Variants in STXBP5L observed in about 807,000 individuals in gnomAD.
STXBP5L encodes syntaxin binding protein 5L, also known as syntaxin-binding protein 5-like.
STXBP5L carries 65 observed loss-of-function variants against 144.5 expected under a neutral mutation model. The ratio of observed to expected loss-of-function variants is 0.45; its 90% CI spans 0.37 to 0.55. STXBP5L has a LOEUF of 0.55. Among genes scored for constraint, STXBP5L ranks in the 20% least tolerant of loss-of-function variants. The probability of loss-of-function intolerance (pLI) is 0.00; values close to 1 mark genes in which losing one functional copy is unlikely to be tolerated. For missense variants in STXBP5L, 1,298 were observed against 1,405.5 expected (o/e 0.92, Z 1.22); for synonymous variants, 505 against 469.6 (o/e 1.08, Z -0.97).
chr3:121,101,660 T>C (rs2043433503), intron 5 of STXBP5L, among the ~76,000 whole-genome samples: 1 of 152,084 alleles, frequency 6.6e-6, no homozygotes, highest in African/African-American at 2.4e-5. Context: ...GCATTCCCCT[T>C]GAGAACTGGA....
chr3:121,350,461 A>C (rs1273361394), intron 20 of STXBP5L, among the ~76,000 whole-genome samples: 2 of 152,082 alleles, frequency 1.3e-5, no homozygotes, highest in Non-Finnish European at 2.9e-5. Context: ...CTCGAGGAGT[A>C]TCTTTGTGGT....
chr3:121,210,255 C>T (rs912760286), intron 10 of STXBP5L, among the ~76,000 whole-genome samples: 9 of 152,026 alleles, frequency 5.9e-5, no homozygotes, highest in African/African-American at 1.7e-4. Context: ...TCTGTTCATA[C>T]CCTTTGCCCA....
chr3:121,211,603 A>T (rs1164119585), intron 10 of STXBP5L, among the ~76,000 whole-genome samples: 1 of 119,746 alleles, frequency 8.4e-6, no homozygotes, highest in Non-Finnish European at 1.6e-5. Context: ...TTTTTGAGAC[A>T]GAGTCTCGCT....
At chr3:121,091,429 C>T (rs939016908) in intron 5 of STXBP5L, among the ~76,000 whole-genome samples, 1 of 151,872 alleles carries the variant, frequency 6.6e-6, no homozygotes, top group Non-Finnish European at 1.5e-5. Context: ...TCCACATCCT[C>T]TCCAGCACCT....
chr3:120,955,419 C>G (rs1423849332), intron 3 of STXBP5L, among the ~76,000 whole-genome samples: 1 of 151,880 alleles, frequency 6.6e-6, no homozygotes, highest in Non-Finnish European at 1.5e-5. Flanking sequence ...AATTTCTTTG[C>G]TTTTGCTTAC....
chr3:121,046,550 C>A (rs1346007066), intron 5 of STXBP5L, among the ~76,000 whole-genome samples: 1 of 152,036 alleles, frequency 6.6e-6, no homozygotes, highest in Non-Finnish European at 1.5e-5. Flanking sequence ...CTTTATTGGT[C>A]TGTCCAGGGA....
At chr3:121,336,556 A>G (rs2044513794) in intron 20 of STXBP5L, among the ~76,000 whole-genome samples, 1 of 152,152 alleles carries the variant, frequency 6.6e-6, no homozygotes, top group Non-Finnish European at 1.5e-5. Context: ...ACAAGGAGAT[A>G]TTATCTCATA....
chr3:121,388,445 G>A (rs935804313), intron 22 of STXBP5L, among the ~76,000 whole-genome samples: 3 of 152,202 alleles, frequency 2.0e-5, no homozygotes, highest in Non-Finnish European at 2.9e-5. Flanking sequence ...TTGAATAGGA[G>A]TGGTGAGAGA....
chr3:121,066,362 GTATATATATATA>G (rs35546907), intron 5 of STXBP5L, among the ~76,000 whole-genome samples: 1 of 146,136 alleles, frequency 6.8e-6, no homozygotes, highest in African/African-American at 2.5e-5. Flanking sequence ...TCCTATAAGC[GTATATATATATA>G]TATATACGCT....
intron 9 of STXBP5L, among the ~76,000 whole-genome samples, chr3:121,187,677 A>T (rs2047453723): frequency 6.6e-6 from 1 of 152,170 alleles, no homozygotes; most frequent in African/African-American, 2.4e-5. Flanking sequence ...ACATGATCAA[A>T]TTCACACATA....
chr3:120,949,774 C>T (rs1186871713), intron 2 of STXBP5L, among the ~76,000 whole-genome samples: 3 of 152,048 alleles, frequency 2.0e-5, no homozygotes, highest in Non-Finnish European at 4.4e-5. Context: ...TTCCATTTGT[C>T]TACATGCCTA....
rs1221988907 is a variant in STXBP5L at position 120,909,827 on chromosome 3, AG to A, written c.189+66del. ...TTTATTATACTGTTGTAAGGAAACA[AG>A]GGGGGAAAAACATACCAGGAACAGG... On this transcript the variant is annotated intron_variant, in intron 2 of 26. Transcript: ENST00000471454. The A allele has an allele frequency of 1.3e-5, 19 of 1,492,756 alleles. 1 individual carries two copies. The South Asian group carries it at 1.9e-4, about 15-fold the overall frequency. 92.5% of individuals were successfully genotyped at this position (1,492,756 alleles called of 1,614,324 possible).
chr3:121,311,880 A>C (rs904170974), intron 19 of STXBP5L, among the ~76,000 whole-genome samples: 1 of 152,172 alleles, frequency 6.6e-6, no homozygotes. Context: ...AGCCCGCATC[A>C]CCAAGTCAAT....
At chr3:121,311,543 C>G (rs540534693) in intron 19 of STXBP5L, among the ~76,000 whole-genome samples, 2 of 152,030 alleles carry the variant, frequency 1.3e-5, no homozygotes, top group Non-Finnish European at 2.9e-5. Flanking sequence ...TCTTATACAA[C>G]AATAACAGAC....
chr3:121,064,293 G>T (rs1380395059), intron 5 of STXBP5L, among the ~76,000 whole-genome samples: 2 of 152,126 alleles, frequency 1.3e-5, no homozygotes, highest in East Asian at 3.9e-4. Flanking sequence ...CCTCCTCGAT[G>T]GTCTGCACCA....
intron 20 of STXBP5L, among the ~76,000 whole-genome samples, chr3:121,352,099 GT>G (rs1356523515): frequency 1.3e-5 from 2 of 152,090 alleles, no homozygotes; most frequent in Non-Finnish European, 2.9e-5. Flanking sequence ...TTGTAGTATA[GT>G]TTGAAGTCAG....
chr3:120,993,903 A>C (rs1378432284), intron 3 of STXBP5L, among the ~76,000 whole-genome samples: 1 of 151,998 alleles, frequency 6.6e-6, no homozygotes, highest in African/African-American at 2.4e-5. Context: ...GGTCATTTAG[A>C]TAATAATAAT....
chr3:121,063,243 G>A (rs2041371552), intron 5 of STXBP5L, among the ~76,000 whole-genome samples: 1 of 152,318 alleles, frequency 6.6e-6, no homozygotes, highest in East Asian at 1.9e-4. Context: ...CTGTTGGTTA[G>A]TTTTCTTTCT....
chr3:121,176,699 A>G (rs890577372), intron 9 of STXBP5L, among the ~76,000 whole-genome samples: 2 of 151,914 alleles, frequency 1.3e-5, no homozygotes, highest in South Asian at 2.1e-4. Context: ...TCTCAAAAAT[A>G]AAGATAAAAT....
Sources: allele counts gnomAD v4.1 joint callset (sites outside exome capture counted in the v4.1 genomes callset), GRCh38; gene constraint gnomAD v4.1.1; transcripts MANE v1.5; gene names NCBI Gene and HGNC (gene_info 2026-07-23, HGNC 2026-07-21).